Variants in PRKG1 observed in about 807,000 individuals in gnomAD.
The protein encoded by PRKG1 is protein kinase cGMP-dependent 1, also known as cGMP-dependent protein kinase 1.
Under a neutral mutation model 88.1 loss-of-function variants are expected in PRKG1, and 35 were observed. The observed-to-expected ratio is 0.40, with a 90% CI of 0.30 to 0.53. The LOEUF (loss-of-function observed/expected upper bound fraction) is 0.53. Among genes scored for constraint, PRKG1 ranks in the 20% least tolerant of loss-of-function variants. The probability of loss-of-function intolerance (pLI) is 0.59; values close to 1 mark genes in which losing one functional copy is unlikely to be tolerated. For synonymous variants in PRKG1, 303 were observed against 292.5 expected (o/e 1.04, Z -0.37); for missense variants, 540 against 839.8 (o/e 0.64, Z 4.41).
intron 3 of PRKG1, among the ~76,000 whole-genome samples, chr10:51,472,654 A>G (rs1489506075): frequency 6.6e-6 from 1 of 151,932 alleles, no homozygotes; most frequent in Non-Finnish European, 1.5e-5. Flanking sequence ...GTAGAGCACC[A>G]TGAAGTATTA....
chr10:52,198,354 A>T (rs1244840878), intron 9 of PRKG1, among the ~76,000 whole-genome samples: 1 of 152,202 alleles, frequency 6.6e-6, no homozygotes, highest in Non-Finnish European at 1.5e-5. Flanking sequence ...TTTATGACTT[A>T]GCATCCTGTA....
intron 14 of PRKG1, among the ~76,000 whole-genome samples, chr10:52,285,192 C>A (rs1188965870): frequency 6.6e-6 from 1 of 152,066 alleles, no homozygotes; most frequent in Admixed American, 6.6e-5. Context: ...CCATCTCCCC[C>A]ACCAACTTAG....
At chr10:51,082,691 A>C (rs552072881) in intron 1 of PRKG1, among the ~76,000 whole-genome samples, 1 of 152,032 alleles carries the variant, frequency 6.6e-6, no homozygotes, top group Admixed American at 6.5e-5. Flanking sequence ...AAAACCTTTA[A>C]GCACTAGGGG....
intron 2 of PRKG1, among the ~76,000 whole-genome samples, chr10:51,398,326 C>T (rs1003031711): frequency 2.6e-5 from 4 of 152,110 alleles, no homozygotes; most frequent in Admixed American, 2.0e-4. Flanking sequence ...CAGTAGAGTT[C>T]GTGTTCCTGT....
At chr10:52,131,334 G>A (rs1430664802) in intron 7 of PRKG1, among the ~76,000 whole-genome samples, 1 of 152,114 alleles carries the variant, frequency 6.6e-6, no homozygotes, top group Non-Finnish European at 1.5e-5. Context: ...ATTACAAATG[G>A]TGATACATGC....
chr10:51,879,120 G>C (rs1841374670), intron 4 of PRKG1, among the ~76,000 whole-genome samples: 1 of 135,580 alleles, frequency 7.4e-6, no homozygotes, highest in Non-Finnish European at 1.7e-5. Context: ...ACATGTATTT[G>C]CTTGTAAATA....
At chr10:51,306,551 C>T (rs550207438) in intron 2 of PRKG1, 10 of 152,194 alleles carry the variant, frequency 6.6e-5, no homozygotes, top group Admixed American at 4.6e-4. Context: ...AGATGCTAAT[C>T]GGCTTTCTCT....
intron 9 of PRKG1, among the ~76,000 whole-genome samples, chr10:52,175,895 T>C (rs1229563630): frequency 6.6e-6 from 1 of 152,108 alleles, no homozygotes; most frequent in Non-Finnish European, 1.5e-5. Flanking sequence ...TGGATAGTAA[T>C]GCCCTATTGG....
Position 52,125,424 on chromosome 10 carries a change from C to T in PRKG1, c.936-8416C>T, listed in dbSNP as rs17642530. Among the ~76,000 whole-genome samples the T allele has an allele frequency of 8.1e-3, 1,232 of 152,268 alleles. 8 individuals carry two copies. Among genetic ancestry groups the T allele is most frequent in the Non-Finnish European group, 0.013 (912 of 68,020 alleles). On this transcript the variant is annotated intron_variant, in intron 7 of 17. Coordinates refer to ENST00000373980, the MANE Select transcript of PRKG1 (RefSeq NM_006258.4). Reference sequence around the variant, plus strand: ...TTACAAAAGTTGTCTGTCCTAATTGCTGAATGAGATCCTCCCTATTAGTTA... The same window carrying T: ...TTACAAAAGTTGTCTGTCCTAATTGTTGAATGAGATCCTCCCTATTAGTTA...
At chr10:51,272,062 C>T (rs1335337826) in intron 2 of PRKG1, among the ~76,000 whole-genome samples, 1 of 152,214 alleles carries the variant, frequency 6.6e-6, no homozygotes, top group East Asian at 1.9e-4. Flanking sequence ...TATTTCTCCA[C>T]ATCTTCTCCA....
chr10:51,003,458 C>T (rs1226858327), intron 1 of PRKG1, among the ~76,000 whole-genome samples: 4 of 152,054 alleles, frequency 2.6e-5, no homozygotes, highest in Non-Finnish European at 4.4e-5. Context: ...GATATTAGAG[C>T]AATTAGAAAA....
intron 4 of PRKG1, among the ~76,000 whole-genome samples, chr10:51,873,778 C>T (rs1292839374): frequency 1.3e-5 from 2 of 152,164 alleles, no homozygotes; most frequent in Admixed American, 6.5e-5. Context: ...ATCCACTCGC[C>T]TCGGCCTCCC....
intron 4 of PRKG1, among the ~76,000 whole-genome samples, chr10:51,820,683 A>G (rs987571337): frequency 6.6e-6 from 1 of 152,194 alleles, no homozygotes; most frequent in Non-Finnish European, 1.5e-5. Context: ...CCTGGAGGAA[A>G]GCGAGACTGA....
intron 3 of PRKG1, among the ~76,000 whole-genome samples, chr10:51,526,034 G>A (rs1399192176): frequency 6.6e-6 from 1 of 152,138 alleles, no homozygotes; most frequent in East Asian, 1.9e-4. Context: ...TGGCCAGGCT[G>A]ATCTCGAACT....
At chr10:51,981,451 T>G (rs528977328) in intron 5 of PRKG1, among the ~76,000 whole-genome samples, 1 of 152,120 alleles carries the variant, frequency 6.6e-6, no homozygotes, top group African/African-American at 2.4e-5. Flanking sequence ...CCAGGCATAG[T>G]GGCATGTACC....
At chr10:51,754,146 C>T (rs146874110) in intron 3 of PRKG1, among the ~76,000 whole-genome samples, 2 of 152,046 alleles carry the variant, frequency 1.3e-5, no homozygotes, top group Non-Finnish European at 2.9e-5. Flanking sequence ...TGGCTCTTCT[C>T]TTAGTTTGAT....
At chr10:51,140,081 T>C (rs1307928227) in intron 1 of PRKG1, among the ~76,000 whole-genome samples, 4 of 152,244 alleles carry the variant, frequency 2.6e-5, no homozygotes, top group African/African-American at 9.6e-5. Flanking sequence ...CCTTCTGCTT[T>C]GAGCACCTTT....
At chr10:51,090,996 C>T (rs1844385207) in intron 1 of PRKG1, among the ~76,000 whole-genome samples, 1 of 152,118 alleles carries the variant, frequency 6.6e-6, no homozygotes, top group South Asian at 2.1e-4. Flanking sequence ...CTGTTAATGA[C>T]CTTGATACTG....
At chr10:51,701,380 A>G (rs1057144449) in intron 3 of PRKG1, among the ~76,000 whole-genome samples, 12 of 152,242 alleles carry the variant, frequency 7.9e-5, no homozygotes, top group Non-Finnish European at 1.5e-4. Context: ...GCTGCAAATA[A>G]GACATCCATT....
Sources: allele counts gnomAD v4.1 joint callset (sites outside exome capture counted in the v4.1 genomes callset), GRCh38; gene constraint gnomAD v4.1.1; transcripts MANE v1.5; gene names NCBI Gene and HGNC (gene_info 2026-07-23, HGNC 2026-07-21).